MMP12: variants seen among roughly 807,000 people sequenced by gnomAD.
The protein encoded by MMP12 is matrix metallopeptidase 12, also known as macrophage metalloelastase.
In MMP12, 51 loss-of-function variants were observed where a neutral mutation model predicts 45.2. That is an observed-to-expected ratio of 1.13 (90% confidence interval 0.90 to 1.42). The LOEUF (loss-of-function observed/expected upper bound fraction) is 1.42, where lower values mean the gene tolerates loss of function less well. MMP12 is among the 40% of genes most tolerant of loss of function. The pLI, the probability that MMP12 is intolerant of heterozygous loss-of-function variation, is 0.00. For missense variants in MMP12, 530 were observed against 570.8 expected (o/e 0.93, Z 0.73); for synonymous variants, 210 against 193.3 (o/e 1.09, Z -0.72).
In MMP12 at chr11:102,865,564, AAC is replaced by A. The variant is rs1190246103; in HGVS notation, c.1205+210_1205+211del. Among the ~76,000 whole-genome samples, 5 of 152,262 alleles carry A rather than the reference AAC, an allele frequency of 3.3e-5. No individual in the cohort carries two copies. The highest frequency in any genetic ancestry group is 1.9e-4 in the East Asian group (1 of 5,194). On this transcript the variant is annotated intron_variant, in intron 8 of 9. Transcript: ENST00000571244. This position sits in a 1 kb window ranked among gnomAD's most constrained non-coding sequence, Gnocchi z 4.1. The stretch of plus-strand genomic sequence containing the variant: ...TATTTAGAGTGTTTTTTTAAAAAAA[AAC>A]ACACATTATCTACTATTTCATATAT...
chr11:102,872,010 C>G (rs1859508445), intron 2 of MMP12, 58 bp from the exon 3 acceptor site: 2 of 1,478,588 alleles, frequency 1.4e-6, no homozygotes, highest in African/African-American at 2.8e-5. Flanking sequence ...TTTGTCTTAC[C>G]ACAATACTTC....
Position 102,871,692 on chromosome 11 carries a change from C to T in MMP12, c.527G>A (p.Gly176Asp). 1 of 1,608,008 alleles carries T rather than the reference C, an allele frequency of 6.2e-7. No homozygotes were observed. The highest frequency in any genetic ancestry group is 8.5e-7 in the Non-Finnish European group (1 of 1,176,902). Residue 176 changes from glycine to aspartate, a missense_variant, in exon 4 of 10, where the codon GGC becomes GAC. Physicochemically the swap from Gly to Asp is moderately conservative, Grantham distance 94. Coordinates refer to ENST00000571244, the MANE Select transcript of MMP12 (RefSeq NM_002426.6). Reference sequence around the variant, plus strand: ...AGCATGGGCTAGGATTCCACCTTTGCCATCAAAAGCATGGAAGTCTCCATG... The same window carrying T: ...AGCATGGGCTAGGATTCCACCTTTGTCATCAAAAGCATGGAAGTCTCCATG... Reference protein sequence around the residue: ...GAHGDFHAFDGKGGILAHAFG... With the variant: ...GAHGDFHAFDDKGGILAHAFG...
chr11:102,863,222 A>G (rs202057182), intron 9 of MMP12, 22 bp from the exon 10 acceptor site: 3 of 1,308,184 alleles, frequency 2.3e-6, no homozygotes, highest in Non-Finnish European at 3.3e-6. Flanking sequence ...AACAAATTAA[A>G]TAGTTTAATT....
Position 102,862,970 on chromosome 11 carries a change from A to G in MMP12, c.*130T>C. 1.9e-6 allele frequency: 1 copy of G among 521,574 alleles called. No homozygotes were observed. The highest frequency in any genetic ancestry group is 3.3e-6 in the Non-Finnish European group (1 of 300,756). 32.3% of individuals were successfully genotyped at this position (521,574 alleles called of 1,614,324 possible). A position where few individuals can be genotyped will look rare whatever the true frequency, so the allele number is the denominator to read the frequency against. ...ATATTATGTATTTTATATAATCATT[A>G]CCTATGGTTTACAGATTTTATTTTT... On this transcript the variant is annotated 3_prime_UTR_variant, in exon 10 of 10. Transcript: ENST00000571244.
At chr11:102,874,723 C>T in intron 1 of MMP12, 113 bp downstream of exon 1, 3 of 682,642 alleles carry the variant, frequency 4.4e-6, no homozygotes, top group East Asian at 2.8e-5. Context: ...GACCAATTTT[C>T]AGCTGATACG....
intron 9 of MMP12, among the ~76,000 whole-genome samples, chr11:102,863,769 G>C (rs529728038): frequency 6.6e-6 from 1 of 152,200 alleles, no homozygotes; most frequent in Non-Finnish European, 1.5e-5. Context: ...CTATAGGAAA[G>C]GTCAAGAGTG....
intron 8 of MMP12, among the ~76,000 whole-genome samples, chr11:102,864,568 C>T (rs1219236517): frequency 1.3e-5 from 2 of 152,154 alleles, no homozygotes; most frequent in Non-Finnish European, 2.9e-5. Context: ...TCTTCAGTTG[C>T]CTGTCATTGC....
At chr11:102,864,891 G>C (rs904163230) in intron 8 of MMP12, among the ~76,000 whole-genome samples, 1 of 152,136 alleles carries the variant, frequency 6.6e-6, no homozygotes, top group Non-Finnish European at 1.5e-5. Flanking sequence ...TCTCTCAATG[G>C]CCTTTCAGGG....
At position 102,864,215 on chromosome 11, in the gene MMP12, G is replaced by T. The variant is rs781839771; in HGVS notation, c.1243C>A (p.Pro415Thr). The change falls in exon 9 of 10, where the codon CCC becomes ACC. Residue 415 changes from proline to threonine, a missense_variant. Coordinates refer to ENST00000571244, the MANE Select transcript of MMP12 (RefSeq NM_002426.6). ...ERRQMMDPGY[P>T]KLITKNFQGI... is the part of the protein sequence containing the mutation. ...TGGAAGTTCTTGGTAATCAGTTTGG[G>T]ATAACCAGGGTCCATCATCTGTCTC... 1 of 1,613,732 alleles carries T rather than the reference G, an allele frequency of 6.2e-7. No homozygotes were observed. The highest frequency in any genetic ancestry group is 8.5e-7 in the Non-Finnish European group (1 of 1,179,764).
intron 7 of MMP12, 66 bp from the exon 8 acceptor site, chr11:102,866,001 T>C: frequency 8.1e-7 from 1 of 1,241,256 alleles, no homozygotes; most frequent in Non-Finnish European, 1.1e-6. Context: ...AATATTGATT[T>C]ACTATAAACA....
In MMP12 at chr11:102,874,976, C is replaced by G; in HGVS notation, c.-39G>C. On this transcript the variant is annotated 5_prime_UTR_variant, in exon 1 of 10. Transcript: ENST00000571244. Reference sequence around the variant, plus strand: ...ACGGATCAATTCAGTTTACTGTGTTCCTTTCTAGCCTAAGTTCCTGAACTG... The same window carrying G: ...ACGGATCAATTCAGTTTACTGTGTTGCTTTCTAGCCTAAGTTCCTGAACTG... The G allele has an allele frequency of 7.4e-7, 1 of 1,355,162 alleles. No homozygotes were observed. The highest frequency in any genetic ancestry group is 1.3e-5 in the South Asian group (1 of 79,306). The allele number at this position is 1,355,162 out of a possible 1,614,324, so 83.9% of individuals were successfully genotyped here.
rs540058491 is a variant in MMP12, at chr11:102,867,799, C to T, written c.787+109G>A. On this transcript the variant is annotated intron_variant, in intron 5 of 9. Coordinates refer to ENST00000571244, the MANE Select transcript of MMP12 (RefSeq NM_002426.6). The stretch of plus-strand genomic sequence containing the variant: ...TCACCTGCCACACAGGGTTCTTATG[C>T]GGCTTAAAAAAAGACAGATATTAAC... 5.5e-5 allele frequency: 64 copies of T among 1,165,968 alleles called. No individual in the cohort carries two copies. The South Asian group carries it at 6.9e-4, about 13-fold the overall frequency. 72.2% of individuals were successfully genotyped at this position (1,165,968 alleles called of 1,614,324 possible).
chr11:102,863,431 A>G (rs1859327993), intron 9 of MMP12, among the ~76,000 whole-genome samples: 1 of 152,118 alleles, frequency 6.6e-6, no homozygotes, highest in African/African-American at 2.4e-5. Flanking sequence ...TTTTTCATCA[A>G]AAAATAACAA....
At chr11:102,872,001 T>C (rs200525434) in intron 2 of MMP12, 49 bp from the exon 3 acceptor site, 1 of 1,542,666 alleles carries the variant, frequency 6.5e-7, no homozygotes, top group South Asian at 1.3e-5. Flanking sequence ...CAGTGTTATT[T>C]TGTCTTACCA....
At chr11:102,872,028 C>T in intron 2 of MMP12, 76 bp from the exon 3 acceptor site, 1 of 1,402,516 alleles carries the variant, frequency 7.1e-7, no homozygotes, top group African/African-American at 1.4e-5. Flanking sequence ...TTCATTTTTG[C>T]TAGCACAATT....
In MMP12 at chr11:102,868,158, T is replaced by G. The variant is rs552323519; in HGVS notation, c.626-89A>C. 2.3e-5 allele frequency: 27 copies of G among 1,163,004 alleles called. No homozygotes were observed. In the South Asian group the frequency reaches 3.7e-4, roughly 16 times the overall value. 72.0% of individuals were successfully genotyped at this position (1,163,004 alleles called of 1,614,324 possible). A position where few individuals can be genotyped will look rare whatever the true frequency, so the allele number is the denominator to read the frequency against. ...ATCTGACACAGTGAAAAAGAAAGAT[T>G]TGAGAATCTTTTACTTATTTCTTTA... On this transcript the variant is annotated intron_variant, in intron 4 of 9. Transcript: ENST00000571244.
In MMP12 at chr11:102,866,334, A is replaced by T. The variant is rs1555008541; in HGVS notation, c.1026T>A (p.Asn342Lys). 3 of 1,584,722 alleles carry T rather than the reference A, an allele frequency of 1.9e-6. No individual in the cohort carries two copies. Among genetic ancestry groups the T allele is most frequent in the Non-Finnish European group, 2.6e-6 (3 of 1,165,510 alleles). ...IEAAYEIEAR[N>K]QVFLFKDDKY... ...AATTACCTTTAAAAAGAAAAACTTG[A>T]TTTCTGGCTTCAATTTCATAAGCAG... is the stretch of plus-strand genomic sequence containing the variant. Residue 342 changes from asparagine (N) to lysine (K), a missense_variant, in exon 7 of 10, where the codon AAT becomes AAA. Transcript: ENST00000571244.
chr11:102,867,489 A>G, intron 5 of MMP12, 96 bp from the exon 6 acceptor site: 2 of 1,179,822 alleles, frequency 1.7e-6, no homozygotes, highest in East Asian at 5.3e-5. Context: ...TTCTTAATGA[A>G]CATTGCATCA....
chr11:102,866,507 A>T (rs1339644698), intron 6 of MMP12, 59 bp from the exon 7 acceptor site: 26 of 1,563,148 alleles, frequency 1.7e-5, no homozygotes, highest in Non-Finnish European at 2.2e-5. Context: ...GAACCATGGC[A>T]TGTGAATGGG....
Sources: gnomAD v4.1 joint callset for allele counts (sites outside exome capture counted in the v4.1 genomes callset) on GRCh38, gnomAD v4.1.1 for gene constraint, Gnocchi (gnomAD v3.1) non-coding constraint, MANE v1.5 for transcripts, NCBI Gene and HGNC (gene_info 2026-07-23, HGNC 2026-07-21) for gene names.